KIF7: variants seen among roughly 807,000 people sequenced by gnomAD.
KIF7 encodes kinesin family member 7.
In KIF7, 104 loss-of-function variants were observed where a neutral mutation model predicts 135.7. That is an observed-to-expected ratio of 0.77 (90% CI 0.65 to 0.90). The LOEUF (loss-of-function observed/expected upper bound fraction) is 0.90. Among genes scored for constraint, KIF7 ranks in the 40% least tolerant of loss-of-function variants. The pLI is 0.00. For synonymous variants in KIF7, 883 were observed against 809.4 expected (o/e 1.09, Z -1.54); for missense variants, 2,005 against 1,839.1 (o/e 1.09, Z -1.65).
chr15:89,638,124 A>G (rs1437166876), intron 11 of KIF7, among the ~76,000 whole-genome samples: 1 of 151,540 alleles, frequency 6.6e-6, no homozygotes, highest in Non-Finnish European at 1.5e-5. Context: ...ACAACTCTCA[A>G]TAAATTAGAT....
At chr15:89,625,569 G>GA, downstream of KIF7, 2 of 1,613,068 alleles carry the variant, frequency 1.2e-6, no homozygotes, top group Non-Finnish European at 1.7e-6. Flanking sequence ...CGCCTCCCAG[G>GA]AACAGCATGC....
intron 2 of KIF7, among the ~76,000 whole-genome samples, chr15:89,651,690 G>A (rs1030174805): frequency 5.9e-5 from 9 of 152,160 alleles, no homozygotes; most frequent in Non-Finnish European, 1.3e-4. Flanking sequence ...ATTTTATTTC[G>A]TGCATGTGTT....
intron 2 of KIF7, among the ~76,000 whole-genome samples, chr15:89,651,660 G>A (rs377359720): frequency 7.9e-5 from 12 of 152,358 alleles, no homozygotes; most frequent in African/African-American, 2.9e-4. Context: ...GGGGATTTCC[G>A]AAAGGCAATT....
Position 89,646,165 on chromosome 15 carries a change from T to C in KIF7, c.1789-139A>G. 2.7e-6 allele frequency: 3 copies of C among 1,116,620 alleles called. No individual in the cohort carries two copies. The South Asian group carries it at 3.9e-5, about 14-fold the overall frequency. 69.2% of individuals were successfully genotyped at this position (1,116,620 alleles called of 1,614,324 possible). A position where few individuals can be genotyped will look rare whatever the true frequency, so the allele number is the denominator to read the frequency against. ...GCTCAAATGACCCCTCTGGCAGCCTTCTGAATCTCAAGCTGGGGTGAGAGC... is the reference window on the plus strand; with the variant it reads ...GCTCAAATGACCCCTCTGGCAGCCTCCTGAATCTCAAGCTGGGGTGAGAGC... On this transcript the variant is annotated intron_variant, in intron 7 of 18. Transcript: ENST00000394412.
chr15:89,624,984 CTA>C (rs1224354316), downstream of KIF7: 1 of 1,613,980 alleles, frequency 6.2e-7, no homozygotes, highest in Non-Finnish European at 8.5e-7. Flanking sequence ...GCCCACAGAC[CTA>C]TGAGGTTGAG....
chr15:89,631,801 T>C, intron 14 of KIF7, 91 bp from the exon 15 acceptor site: 1 of 1,153,420 alleles, frequency 8.7e-7, no homozygotes, highest in East Asian at 2.6e-5. Flanking sequence ...AGGACTTGCG[T>C]CCTTCCCTCA....
chr15:89,644,858 TCA>T (rs1227321820), intron 10 of KIF7, among the ~76,000 whole-genome samples, 153 bp downstream of exon 10: 1 of 152,196 alleles, frequency 6.6e-6, no homozygotes, highest in Non-Finnish European at 1.5e-5. Context: ...TTGCTCAGGG[TCA>T]CACAGCTGGA....
At chr15:89,650,046 T>C (rs1964100281) in intron 2 of KIF7, 105 bp from the exon 3 acceptor site, 1 of 1,210,052 alleles carries the variant, frequency 8.3e-7, no homozygotes, top group Non-Finnish European at 1.2e-6. Flanking sequence ...GATGGTGCTC[T>C]AGGATGGAGA....
intron 2 of KIF7, 106 bp downstream of exon 2, chr15:89,652,497 G>T: frequency 1.1e-6 from 1 of 889,572 alleles, no homozygotes; most frequent in Non-Finnish European, 1.7e-6. Flanking sequence ...TCCTCCCCCA[G>T]CATCCCCACC....
At position 89,642,333 on chromosome 15, in the gene KIF7, A is replaced by G. The variant is rs774348571; in HGVS notation, c.2264T>C (p.Val755Ala). 1 of 1,610,416 alleles carries G rather than the reference A, an allele frequency of 6.2e-7. No individual in the cohort carries two copies. The highest frequency in any genetic ancestry group is 8.5e-7 in the Non-Finnish European group (1 of 1,179,100). Residue 755 changes from valine to alanine, a missense_variant, in exon 11 of 19, where the codon GTG becomes GCG. By Grantham distance (64) the Val-to-Ala change is moderately conservative. Transcript: ENST00000394412. ...IRELEQEAEQVRAELSEGQRQ... is the reference protein window; with the variant it reads ...IRELEQEAEQARAELSEGQRQ... The stretch of plus-strand genomic sequence containing the variant: ...CTGGCCTTCACTCAGCTCGGCCCGC[A>G]CCTGCTCTGCCTCCTGCTCCAGCTC...
At chr15:89,647,788 C>T (rs1964042595) in intron 5 of KIF7, 76 bp from the exon 6 acceptor site, 1 of 1,132,532 alleles carries the variant, frequency 8.8e-7, no homozygotes, top group Admixed American at 2.1e-5. Flanking sequence ...TCTTGTTTAG[C>T]CCTGCTTTCT....
At chr15:89,626,870 T>C, downstream of KIF7, 2 of 1,434,160 alleles carry the variant, frequency 1.4e-6, no homozygotes, top group South Asian at 2.5e-5. Flanking sequence ...TCTGTTTTTG[T>C]GTGTAACCCT....
downstream of KIF7, chr15:89,624,209 T>C: frequency 6.2e-7 from 1 of 1,614,202 alleles, no homozygotes; most frequent in Non-Finnish European, 8.5e-7. Context: ...AATTCAACTG[T>C]GACTTCTTCC....
In KIF7 at chr15:89,648,428, G is replaced by C; in HGVS notation, c.1270C>G (p.Arg424Gly). Residue 424 changes from arginine (R) to glycine (G), a missense_variant, in exon 5 of 19, where the codon CGC becomes GGC. Physicochemically the swap from Arg to Gly is moderately radical, Grantham distance 125. Transcript: ENST00000394412. ...ACTDAAYSLL[R>G]ELQAEPGLPG... is the part of the protein sequence containing the mutation. ...AGCCCGGGCTCGGCCTGCAGCTCGC[G>C]CAAGAGGCTGTAGGCGGCGTCGGTG... The C allele has an allele frequency of 3.6e-6, 4 of 1,115,044 alleles. No individual in the cohort carries two copies. In the South Asian group the frequency reaches 1.2e-4, roughly 34 times the overall value. 69.1% of individuals were successfully genotyped at this position (1,115,044 alleles called of 1,614,324 possible).
At chr15:89,638,269 T>G (rs1401516413) in intron 11 of KIF7, among the ~76,000 whole-genome samples, 1 of 118,994 alleles carries the variant, frequency 8.4e-6, no homozygotes, top group Non-Finnish European at 1.9e-5. Context: ...ACCACTCCTA[T>G]TCAACATAGT....
intron 2 of KIF7, among the ~76,000 whole-genome samples, chr15:89,650,944 G>C (rs540997722): frequency 6.6e-6 from 1 of 152,026 alleles, no homozygotes; most frequent in Non-Finnish European, 1.5e-5. Context: ...TGTTGTTGTT[G>C]TGTTTTTGAA....
At chr15:89,630,576 T>C in intron 15 of KIF7, 83 bp from the exon 16 acceptor site, 1 of 1,166,190 alleles carries the variant, frequency 8.6e-7, no homozygotes, top group Non-Finnish European at 1.2e-6. Context: ...AGCCAACACG[T>C]AGCCACAACT....
chr15:89,654,165 A>G (rs1388655293), intron 1 of KIF7, among the ~76,000 whole-genome samples: 4 of 151,682 alleles, frequency 2.6e-5, no homozygotes, highest in Admixed American at 2.6e-4. Context: ...GCCCGCCACC[A>G]CGCCCGGCTA....
At chr15:89,645,243 AGGGATGGT>A (rs1167994648) in intron 9 of KIF7, 78 bp from the exon 10 acceptor site, 1 of 1,602,062 alleles carries the variant, frequency 6.2e-7, no homozygotes, top group Admixed American at 1.7e-5. Flanking sequence ...AGGGGCTGCC[AGGGATGGT>A]GGGTGGGACT....
Sources: gnomAD v4.1 joint callset for allele counts (sites outside exome capture counted in the v4.1 genomes callset) on GRCh38, gnomAD v4.1.1 for gene constraint, MANE v1.5 for transcripts, NCBI Gene and HGNC (gene_info 2026-07-23, HGNC 2026-07-21) for gene names.